CBFB: variants seen among roughly 807,000 people sequenced by gnomAD.
CBFB encodes core-binding factor subunit beta.
In CBFB, 9 loss-of-function variants were observed where a neutral mutation model predicts 30.4. The observed-to-expected ratio is 0.30, with a 90% CI of 0.18 to 0.52. The LOEUF (loss-of-function observed/expected upper bound fraction) is 0.52. CBFB is among the 20% of genes least tolerant of loss of function. CBFB has a pLI of 0.97. For synonymous variants in CBFB, 94 were observed against 84.0 expected, an observed-to-expected ratio of 1.12 and a Z score of -0.65; for missense variants, 170 against 244.0, an observed-to-expected ratio of 0.70 and a Z score of 2.02.
chr16:67,031,916 T>A (rs1195904677), intron 2 of CBFB, among the ~76,000 whole-genome samples: 2 of 151,424 alleles, frequency 1.3e-5, no homozygotes, highest in Non-Finnish European at 2.9e-5. Flanking sequence ...AGCCTCAAAC[T>A]TCTGGGCTCA....
At chr16:67,069,256 G>C (rs1961150196) in intron 4 of CBFB, among the ~76,000 whole-genome samples, 1 of 151,824 alleles carries the variant, frequency 6.6e-6, no homozygotes, top group Admixed American at 6.6e-5. Flanking sequence ...TGCCATCCCA[G>C]CTTCTCAGGA....
intron 4 of CBFB, among the ~76,000 whole-genome samples, chr16:67,074,246 G>C (rs1183885038): frequency 6.8e-6 from 1 of 147,366 alleles, no homozygotes; most frequent in Admixed American, 6.8e-5. Flanking sequence ...AGGGTGGGGG[G>C]CAGGGGGTAG....
intron 2 of CBFB, among the ~76,000 whole-genome samples, chr16:67,035,316 C>T (rs1192312148): frequency 6.6e-6 from 1 of 152,184 alleles, no homozygotes; most frequent in Non-Finnish European, 1.5e-5. Flanking sequence ...TACTCCTGAC[C>T]TCAGATGGTC....
intron 5 of CBFB, among the ~76,000 whole-genome samples, chr16:67,094,890 G>A (rs562350524): frequency 6.6e-6 from 1 of 152,276 alleles, no homozygotes; most frequent in Non-Finnish European, 1.5e-5. Flanking sequence ...GCTAACAAAA[G>A]CAGTTAAAAC....
chr16:67,058,858 A>C (rs573740892), intron 3 of CBFB, among the ~76,000 whole-genome samples: 74 of 152,352 alleles, frequency 4.9e-4, no homozygotes, highest in African/African-American at 1.7e-3. Flanking sequence ...TATCCTTTCC[A>C]ATCGAAAGGG....
In CBFB at chr16:67,083,110, T is replaced by A. The variant is rs556576048; in HGVS notation, c.495+802T>A. 4.6e-5 allele frequency among the ~76,000 whole-genome samples: 7 copies of A among 152,182 alleles called. No individual in the cohort carries two copies. The East Asian group carries it at 1.3e-3, about 29-fold the overall frequency. ...AGGAGAATCACTTGAGCCCTGGAGT[T>A]TGAGGTTACAGTGAGCAGTGATTGT... On this transcript the variant is annotated intron_variant, in intron 5 of 5. Coordinates refer to ENST00000412916, the MANE Select transcript of CBFB (RefSeq NM_022845.3).
chr16:67,085,700 C>T (rs1462491723), intron 5 of CBFB, among the ~76,000 whole-genome samples: 6 of 116,612 alleles, frequency 5.1e-5, no homozygotes, highest in African/African-American at 1.4e-4. Context: ...TTTTTTGAGA[C>T]GGAGTCTCGC....
rs575829668 is a variant in CBFB at position 67,049,984 on chromosome 16, C to G, written c.282+13229C>G. Among the ~76,000 whole-genome samples, 4 of 151,912 alleles carry G rather than the reference C, an allele frequency of 2.6e-5. No individual in the cohort carries two copies. The South Asian group carries it at 8.3e-4, about 31-fold the overall frequency. ...AAGTCGTATTATCTGTTTCCTGGTA[C>G]AGCCAGGACCCAGACCCACTTATTT... On this transcript the variant is annotated intron_variant, in intron 3 of 5. Transcript: ENST00000412916.
intron 3 of CBFB, among the ~76,000 whole-genome samples, chr16:67,065,888 CTG>C (rs1445445757): frequency 1.3e-5 from 2 of 152,030 alleles, no homozygotes; most frequent in African/African-American, 4.8e-5. Context: ...AAATAAAAAA[CTG>C]TGAAATAGCT....
At chr16:67,093,370 T>G (rs1379598823) in intron 5 of CBFB, 4 of 97,238 alleles carry the variant, frequency 4.1e-5, no homozygotes, top group Non-Finnish European at 7.5e-5. Context: ...TTCAGCAGGT[T>G]TTTTTTTTTT....
chr16:67,036,852 T>C (rs1966447584), intron 3 of CBFB, 97 bp downstream of exon 3: 2 of 755,036 alleles, frequency 2.6e-6, no homozygotes, highest in African/African-American at 3.5e-5. Context: ...GATCTGATTA[T>C]ACCAGCATAT....
At chr16:67,030,146 C>T (rs1966310619) in intron 2 of CBFB, 2 of 242,322 alleles carry the variant, frequency 8.3e-6, no homozygotes, top group South Asian at 1.2e-4. Context: ...AGCAAACCCC[C>T]ATTCGGAAAA....
intron 4 of CBFB, among the ~76,000 whole-genome samples, chr16:67,074,673 G>T (rs1961337872): frequency 6.6e-6 from 1 of 152,062 alleles, no homozygotes; most frequent in African/African-American, 2.4e-5. Context: ...GAGCCACTGT[G>T]CCCGGCCGAA....
intron 3 of CBFB, among the ~76,000 whole-genome samples, chr16:67,039,214 T>C (rs1966491510): frequency 6.6e-6 from 1 of 152,234 alleles, no homozygotes; most frequent in Admixed American, 6.5e-5. Context: ...ACCTGTACTG[T>C]ACAGCATGTT....
At chr16:67,068,825 T>C (rs756923614) in intron 4 of CBFB, among the ~76,000 whole-genome samples, 8 of 152,214 alleles carry the variant, frequency 5.3e-5, no homozygotes, top group Non-Finnish European at 1.0e-4. Flanking sequence ...GAAAATTCTT[T>C]CCTTTTAATG....
At chr16:67,096,445 A>G (rs1230297190) in intron 5 of CBFB, among the ~76,000 whole-genome samples, 1 of 151,972 alleles carries the variant, frequency 6.6e-6, no homozygotes, top group Non-Finnish European at 1.5e-5. Context: ...ACATATTAGA[A>G]CTTGTGAAGG....
At chr16:67,094,820 T>C (rs1961993831) in intron 5 of CBFB, among the ~76,000 whole-genome samples, 1 of 152,266 alleles carries the variant, frequency 6.6e-6, no homozygotes, top group South Asian at 2.1e-4. Context: ...AATTTGTGAC[T>C]GTGTACTATA....
At chr16:67,058,505 A>G (rs368622863) in intron 3 of CBFB, among the ~76,000 whole-genome samples, 11 of 152,108 alleles carry the variant, frequency 7.2e-5, no homozygotes, top group Admixed American at 1.3e-4. Context: ...GAGCAGTGCT[A>G]TTGTAGTGCT....
At chr16:67,064,749 T>C (rs1489822439) in intron 3 of CBFB, among the ~76,000 whole-genome samples, 1 of 152,200 alleles carries the variant, frequency 6.6e-6, no homozygotes, top group Non-Finnish European at 1.5e-5. Context: ...GTATGATGTA[T>C]ACCTAAAGCA....
Sources: allele counts gnomAD v4.1 joint callset (sites outside exome capture counted in the v4.1 genomes callset), GRCh38; gene constraint gnomAD v4.1.1; transcripts MANE v1.5; gene names NCBI Gene and HGNC (gene_info 2026-07-23, HGNC 2026-07-21).